The following XKR6 variants were observed in gnomAD, a reference collection of about 807,000 sequenced individuals.
The protein encoded by XKR6 is XK related 6.
In XKR6, 22 loss-of-function variants were observed where a neutral mutation model predicts 56.7. The observed-to-expected ratio is 0.39, with a 90% CI of 0.28 to 0.55. The LOEUF (loss-of-function observed/expected upper bound fraction) is 0.55. Ranked by LOEUF, XKR6 falls within the 20% of genes least tolerant of loss-of-function variation. XKR6 has a pLI of 0.66. For missense variants in XKR6, 852 were observed against 889.0 expected, an observed-to-expected ratio of 0.96 and a Z score of 0.53; for synonymous variants, 524 against 387.8, an observed-to-expected ratio of 1.35 and a Z score of -4.13.
intron 1 of XKR6, among the ~76,000 whole-genome samples, chr8:11,140,769 G>A (rs1478923074): frequency 8.6e-5 from 13 of 151,754 alleles, no homozygotes; most frequent in African/African-American, 2.9e-4. Flanking sequence ...ATGGTGGTGG[G>A]CGCCTGTAGT....
intron 1 of XKR6, among the ~76,000 whole-genome samples, chr8:11,054,473 A>G (rs1395438473): frequency 6.6e-6 from 1 of 152,216 alleles, no homozygotes; most frequent in Non-Finnish European, 1.5e-5. Flanking sequence ...TTTACGTTGT[A>G]GATCAACTTA....
At chr8:11,125,830 G>A (rs1799752017) in intron 1 of XKR6, 1 of 152,108 alleles carries the variant, frequency 6.6e-6, no homozygotes, top group African/African-American at 2.4e-5. Flanking sequence ...AAACGTCCAG[G>A]ACCCTCAGAA....
At chr8:11,174,225 G>C (rs1229906308) in intron 1 of XKR6, among the ~76,000 whole-genome samples, 1 of 152,196 alleles carries the variant, frequency 6.6e-6, no homozygotes, top group Non-Finnish European at 1.5e-5. Flanking sequence ...AATTGCATTA[G>C]GAACACACGT....
At chr8:11,167,210 A>T (rs1478998889) in intron 1 of XKR6, among the ~76,000 whole-genome samples, 1 of 152,244 alleles carries the variant, frequency 6.6e-6, no homozygotes, top group Non-Finnish European at 1.5e-5. Context: ...TCTGGAAAAC[A>T]GTGAAATGCT....
chr8:11,012,011 G>A (rs1413631754), intron 1 of XKR6, among the ~76,000 whole-genome samples: 2 of 152,228 alleles, frequency 1.3e-5, no homozygotes, highest in Non-Finnish European at 2.9e-5. Flanking sequence ...CCACATGTCT[G>A]TGACAGGAGC....
intron 1 of XKR6, among the ~76,000 whole-genome samples, chr8:11,092,928 AC>A (rs1283019018): frequency 6.6e-6 from 1 of 151,998 alleles, no homozygotes; most frequent in East Asian, 1.9e-4. Flanking sequence ...CTGGCCCAGG[AC>A]CCCCGCTGAG....
chr8:10,926,327 T>G (rs1173436273), intron 1 of XKR6, among the ~76,000 whole-genome samples: 2 of 152,336 alleles, frequency 1.3e-5, no homozygotes, highest in East Asian at 3.9e-4. Flanking sequence ...ACGCCGCTAC[T>G]AAGCCACAAG....
chr8:10,981,677 C>G (rs150445819), intron 1 of XKR6, among the ~76,000 whole-genome samples: 18 of 152,236 alleles, frequency 1.2e-4, no homozygotes, highest in African/African-American at 4.3e-4. Context: ...TTAAAGATGC[C>G]CAGGTAGTGT....
chr8:11,006,226 G>A (rs184379422), intron 1 of XKR6, among the ~76,000 whole-genome samples: 1 of 152,306 alleles, frequency 6.6e-6, no homozygotes, highest in East Asian at 1.9e-4. Flanking sequence ...GGTGAGAAAT[G>A]AGCTGGGGAG....
At position 10,924,616 on chromosome 8, in the gene XKR6, C is replaced by T. The variant is rs758797685; in HGVS notation, c.961+18G>A. 5.2e-5 allele frequency: 83 copies of T among 1,589,856 alleles called. No homozygotes were observed. The highest frequency in any genetic ancestry group is 2.3e-4 in the Middle Eastern group (1 of 4,418). On this transcript the variant is annotated intron_variant, in intron 2 of 2. Transcript: ENST00000416569. ...GAGGGCAGGCCGGGGTGGCGGGGCGCGGCCGGCGGGCACTCACAGGGCAGG... is the reference window on the plus strand; with the variant it reads ...GAGGGCAGGCCGGGGTGGCGGGGCGTGGCCGGCGGGCACTCACAGGGCAGG...
intron 1 of XKR6, among the ~76,000 whole-genome samples, chr8:10,983,237 C>T (rs1029017654): frequency 2.0e-5 from 3 of 151,972 alleles, no homozygotes; most frequent in South Asian, 4.2e-4. Flanking sequence ...AATTCAAGAC[C>T]TGCTTTTTTT....
In XKR6 at chr8:11,201,374, G is replaced by A. The variant is rs1188506014; in HGVS notation, c.-35C>T. ...CTTCCCAGCTCCGGAGGTTGGGGGG[G>A]AGGGACGGCGGGGGGGGGGGGAAGA... is the stretch of plus-strand genomic sequence containing the variant. On this transcript the variant is annotated 5_prime_UTR_variant, in exon 1 of 3. Coordinates refer to ENST00000416569, the MANE Select transcript of XKR6 (RefSeq NM_173683.4). The A allele has an allele frequency of 9.7e-6, 13 of 1,341,116 alleles. No individual in the cohort carries two copies. The highest frequency in any genetic ancestry group is 5.2e-5 in the Admixed American group (2 of 38,822). The allele number at this position is 1,341,116 out of a possible 1,614,324, so 83.1% of individuals were successfully genotyped here. A position where few individuals can be genotyped will look rare whatever the true frequency, so the allele number is the denominator to read the frequency against.
chr8:11,003,248 G>A (rs1434749776), intron 1 of XKR6, among the ~76,000 whole-genome samples: 1 of 152,150 alleles, frequency 6.6e-6, no homozygotes, highest in Non-Finnish European at 1.5e-5. Flanking sequence ...GGTTCTAACA[G>A]AAGAACAAGT....
intron 1 of XKR6, among the ~76,000 whole-genome samples, chr8:11,197,349 T>G (rs1745751160): frequency 6.6e-6 from 1 of 152,110 alleles, no homozygotes; most frequent in African/African-American, 2.4e-5. Context: ...CCTCTAAAAG[T>G]AACACAAAAG....
intron 1 of XKR6, among the ~76,000 whole-genome samples, chr8:11,052,576 C>G (rs1460219532): frequency 1.3e-5 from 2 of 152,056 alleles, no homozygotes; most frequent in African/African-American, 4.8e-5. Flanking sequence ...TCCTTCAGCC[C>G]CGTTCCTGGA....
intron 1 of XKR6, among the ~76,000 whole-genome samples, chr8:11,041,716 TG>T (rs1288627353): frequency 6.6e-6 from 1 of 152,086 alleles, no homozygotes; most frequent in Admixed American, 6.5e-5. Flanking sequence ...CCCAGGGCCC[TG>T]GGGGCTCAAA....
In XKR6 at chr8:10,898,375, T is replaced by C. The variant is rs149490659; in HGVS notation, c.1503A>G (p.Thr501=). 1.4e-5 allele frequency: 22 copies of C among 1,613,954 alleles called. No homozygotes were observed. Among genetic ancestry groups the C allele is most frequent in the African/African-American group, 2.7e-5 (2 of 74,904 alleles). Residue 501 remains threonine (T), a synonymous_variant, in exon 3 of 3, where the codon ACA becomes ACG. Transcript: ENST00000416569. The surrounding 1 kb of genome is among the most constrained non-coding windows in gnomAD (Gnocchi z 6.6). ...TGGCAAGGATCTTAGCTCGTGGTCC[T>C]GTGGGATGCAGCACGCCATAGTATA... The part of the protein sequence containing the change: ...MLLYYGVLHP[T]GPRAKILASS...
intron 1 of XKR6, among the ~76,000 whole-genome samples, chr8:10,973,846 A>T (rs955843471): frequency 3.9e-5 from 6 of 152,126 alleles, no homozygotes; most frequent in African/African-American, 1.4e-4. Flanking sequence ...CACCCTCTCA[A>T]AGTGTTGGAA....
At chr8:11,177,879 T>C (rs1045726771) in intron 1 of XKR6, among the ~76,000 whole-genome samples, 1 of 152,214 alleles carries the variant, frequency 6.6e-6, no homozygotes, top group East Asian at 1.9e-4. Context: ...TTAAATACTT[T>C]GTGATGGTAG....
Sources: allele counts gnomAD v4.1 joint callset (sites outside exome capture counted in the v4.1 genomes callset), GRCh38; gene constraint gnomAD v4.1.1; non-coding constraint Gnocchi (gnomAD v3.1); transcripts MANE v1.5; gene names NCBI Gene and HGNC (gene_info 2026-07-23, HGNC 2026-07-21).